LTBP2: variants seen among roughly 807,000 people sequenced by gnomAD.
The protein encoded by LTBP2 is latent-transforming growth factor beta-binding protein 2.
In LTBP2, 103 loss-of-function variants were observed where a neutral mutation model predicts 210.6. That is an observed-to-expected ratio of 0.49 (90% CI 0.42 to 0.58). The LOEUF (loss-of-function observed/expected upper bound fraction) is 0.58. LTBP2 is among the 20% of genes least tolerant of loss of function. The probability of loss-of-function intolerance (pLI) is 0.00; values close to 1 mark genes in which losing one functional copy is unlikely to be tolerated. For synonymous variants in LTBP2, 1,007 were observed against 1,015.0 expected, an observed-to-expected ratio of 0.99 and a Z score of 0.15; for missense variants, 2,313 against 2,494.5, an observed-to-expected ratio of 0.93 and a Z score of 1.55.
At chr14:74,540,013 A>G (rs2087472087) in intron 8 of LTBP2, among the ~76,000 whole-genome samples, 1 of 152,152 alleles carries the variant, frequency 6.6e-6, no homozygotes. Context: ...AGGCTTCTAG[A>G]GGGAAATAAA....
intron 8 of LTBP2, among the ~76,000 whole-genome samples, chr14:74,548,915 T>C (rs1269403167): frequency 6.6e-6 from 1 of 152,208 alleles, no homozygotes; most frequent in Admixed American, 6.5e-5. Context: ...ACACTACCCT[T>C]TGCTACTTCG....
intron 3 of LTBP2, among the ~76,000 whole-genome samples, chr14:74,569,796 C>T (rs2087951761): frequency 6.6e-6 from 1 of 151,366 alleles, no homozygotes; most frequent in South Asian, 2.1e-4. Context: ...ACATAGGTGT[C>T]TCTGCCCCAC....
intron 14 of LTBP2, among the ~76,000 whole-genome samples, chr14:74,525,761 C>T (rs2139715052): frequency 6.6e-6 from 1 of 152,320 alleles, no homozygotes; most frequent in South Asian, 2.1e-4. Flanking sequence ...AGTCTAGCGA[C>T]CCAGCCAAAC....
chr14:74,579,023 T>C (rs2088100259), intron 3 of LTBP2, among the ~76,000 whole-genome samples: 1 of 152,088 alleles, frequency 6.6e-6, no homozygotes, highest in Non-Finnish European at 1.5e-5. Context: ...GCCTGGCTAA[T>C]TGTTTGTATT....
chr14:74,540,847 A>C (rs7152872), intron 8 of LTBP2, among the ~76,000 whole-genome samples: 3 of 16,966 alleles, frequency 1.8e-4, no homozygotes, highest in Non-Finnish European at 6.8e-4. Flanking sequence ...ATTTATATAT[A>C]TTATATATAT....
At chr14:74,603,546 C>G in intron 2 of LTBP2, 89 bp downstream of exon 2, 1 of 1,355,304 alleles carries the variant, frequency 7.4e-7, no homozygotes, top group Non-Finnish European at 1.1e-6. Flanking sequence ...TTCTGGAGTA[C>G]CTAAGCTTGA....
chr14:74,532,368 G>T (rs1002806298), intron 10 of LTBP2, 58 bp downstream of exon 10: 7 of 1,607,054 alleles, frequency 4.4e-6, no homozygotes, highest in Admixed American at 1.7e-5. Context: ...CTGTGGACCT[G>T]AAGTGTCCCA....
At chr14:74,595,900 C>G (rs1040577959) in intron 2 of LTBP2, among the ~76,000 whole-genome samples, 1 of 152,132 alleles carries the variant, frequency 6.6e-6, no homozygotes, top group Non-Finnish European at 1.5e-5. Flanking sequence ...AATAGGTAAA[C>G]AAAGAAGTGG....
At chr14:74,507,855 C>A (rs1042029989) in intron 25 of LTBP2, 118 bp downstream of exon 25, 1 of 1,397,640 alleles carries the variant, frequency 7.2e-7, no homozygotes, top group Non-Finnish European at 1.0e-6. Context: ...AATACATACA[C>A]TATTTGTTGG....
intron 25 of LTBP2, 107 bp from the exon 26 acceptor site, chr14:74,507,417 T>G: frequency 6.7e-7 from 1 of 1,485,548 alleles, no homozygotes; most frequent in Non-Finnish European, 9.4e-7. Context: ...CTATTCCAAA[T>G]TACTGTGCTC....
intron 28 of LTBP2, among the ~76,000 whole-genome samples, 176 bp downstream of exon 28, chr14:74,505,872 C>T (rs1320510918): frequency 3.9e-5 from 6 of 152,184 alleles, no homozygotes; most frequent in Non-Finnish European, 7.4e-5. Flanking sequence ...TTGCTGCGCG[C>T]GGCCCTCAGC....
chr14:74,603,751 G>GTGAATAGTCCCCAGCTCT, intron 1 of LTBP2, 46 bp from the exon 2 acceptor site: 1 of 1,541,878 alleles, frequency 6.5e-7, no homozygotes, highest in Non-Finnish European at 9.0e-7. Context: ...GCTCAGAGCT[G>GTGAATAGTCCCCAGCTCT]GGGACTATTC....
rs564799931 is a variant in LTBP2 at position 74,611,391 on chromosome 14, CT to C, written c.494+59del. On this transcript the variant is annotated intron_variant, in intron 1 of 35. Transcript: ENST00000261978. ...GCCCTCTCCTCTCGCCTGCACGCCCCTCCACAAATGAGCCCTGGCTCCCCTC... is the reference window on the plus strand; with the variant it reads ...GCCCTCTCCTCTCGCCTGCACGCCCCCCACAAATGAGCCCTGGCTCCCCTC... 1,807 of 1,409,142 alleles carry C rather than the reference CT, an allele frequency of 1.3e-3. 9 individuals carry two copies. Among genetic ancestry groups the C allele is most frequent in the South Asian group, 4.2e-3 (246 of 59,178 alleles). The allele number at this position is 1,409,142 out of a possible 1,614,324, so 87.3% of individuals were successfully genotyped here.
At chr14:74,579,123 C>T (rs1427961743) in intron 3 of LTBP2, among the ~76,000 whole-genome samples, 2 of 152,234 alleles carry the variant, frequency 1.3e-5, no homozygotes, top group Non-Finnish European at 2.9e-5. Flanking sequence ...TCCCAAAGTG[C>T]TGGGATTACA....
intron 18 of LTBP2, among the ~76,000 whole-genome samples, chr14:74,515,873 G>A (rs1243756182): frequency 1.3e-5 from 2 of 152,202 alleles, no homozygotes; most frequent in Non-Finnish European, 1.5e-5. Context: ...GAGGCATTGG[G>A]AGGTGACACA....
intron 8 of LTBP2, among the ~76,000 whole-genome samples, chr14:74,546,217 G>A (rs1351808972): frequency 2.0e-5 from 3 of 152,076 alleles, no homozygotes; most frequent in Non-Finnish European, 2.9e-5. Context: ...GGAGAAATAG[G>A]GGCTCAGAGA....
rs528292579 is a variant in LTBP2 at position 74,593,264 on chromosome 14, G to A, written c.566-7146C>T. 1.4e-4 allele frequency among the ~76,000 whole-genome samples: 21 copies of A among 152,200 alleles called. No individual in the cohort carries two copies. In the South Asian group the frequency reaches 3.9e-3, roughly 29 times the overall value. ...AGAGATTCTAGAAACAGCCCCTCCC[G>A]ACCACCCCATGCAGGCTGCTCCTAC... On this transcript the variant is annotated intron_variant, in intron 2 of 35. Transcript: ENST00000261978.
chr14:74,564,071 A>T (rs1201927587), intron 3 of LTBP2, among the ~76,000 whole-genome samples: 3 of 35,960 alleles, frequency 8.3e-5, no homozygotes, highest in African/African-American at 3.5e-4. Context: ...TTATATATAT[A>T]TATTTATATA....
At chr14:74,581,831 A>G (rs1228985541) in intron 3 of LTBP2, among the ~76,000 whole-genome samples, 2 of 152,028 alleles carry the variant, frequency 1.3e-5, no homozygotes, top group Non-Finnish European at 2.9e-5. Context: ...ACAGTGGATA[A>G]AGAGGTGGGG....
Sources: allele counts gnomAD v4.1 joint callset (sites outside exome capture counted in the v4.1 genomes callset), GRCh38; gene constraint gnomAD v4.1.1; transcripts MANE v1.5; gene names NCBI Gene and HGNC (gene_info 2026-07-23, HGNC 2026-07-21).